PIGG: variants seen among roughly 807,000 people sequenced by gnomAD.
PIGG encodes the protein phosphatidylinositol glycan anchor biosynthesis class G (EMM blood group), also known as GPI ethanolamine phosphate transferase 2, catalytic subunit.
A neutral mutation model predicts 83.2 loss-of-function variants in PIGG; 70 were observed. That is an observed-to-expected ratio of 0.84 (90% CI 0.69 to 1.03). PIGG has a LOEUF of 1.03. Ranked by LOEUF, PIGG falls within the 50% of genes least tolerant of loss-of-function variation. The pLI, the probability that PIGG is intolerant of heterozygous loss-of-function variation, is 0.00. For synonymous variants in PIGG, 532 were observed against 519.5 expected (o/e 1.02, Z -0.33); for missense variants, 1,257 against 1,233.6 (o/e 1.02, Z -0.28).
intron 6 of PIGG, among the ~76,000 whole-genome samples, chr4:520,726 G>A (rs907910568): frequency 6.6e-6 from 1 of 152,250 alleles, no homozygotes; most frequent in Non-Finnish European, 1.5e-5. Flanking sequence ...GAAAGAGACA[G>A]AACAGGGAGA....
chr4:534,474 C>T (rs767571922), intron 12 of PIGG, among the ~76,000 whole-genome samples: 5 of 152,200 alleles, frequency 3.3e-5, no homozygotes, highest in Non-Finnish European at 2.9e-5. Context: ...CCTTGAGTAG[C>T]TAGGGGCATG....
Position 515,833 on chromosome 4 carries a change from A to G in PIGG, c.902-140A>G. On this transcript the variant is annotated intron_variant, in intron 5 of 12. Coordinates refer to ENST00000453061, the MANE Select transcript of PIGG (RefSeq NM_001127178.3). The surrounding 1 kb of genome is among the most constrained non-coding windows in gnomAD (Gnocchi z 4.2). ...ATCAACACAGCAAGCACAGGAGGTGATTCCTGTACGATTCTGTGTTGAGTG... is the reference window on the plus strand; with the variant it reads ...ATCAACACAGCAAGCACAGGAGGTGGTTCCTGTACGATTCTGTGTTGAGTG... 1.5e-6 allele frequency: 1 copy of G among 683,174 alleles called. No individual in the cohort carries two copies. The highest frequency in any genetic ancestry group is 2.6e-6 in the Non-Finnish European group (1 of 387,054). 42.3% of individuals were successfully genotyped at this position (683,174 alleles called of 1,614,324 possible). A position where few individuals can be genotyped will look rare whatever the true frequency, so the allele number is the denominator to read the frequency against.
chr4:516,087 T>C lies in PIGG; in HGVS notation c.1016T>C (p.Val339Ala). The C allele has an allele frequency of 1.2e-6, 2 of 1,613,864 alleles. No individual in the cohort carries two copies. The highest frequency in any genetic ancestry group is 1.3e-5 in the African/African-American group (1 of 75,004). The change falls in exon 6 of 13, where the codon GTG becomes GCG. Residue 339 changes from valine (V) to alanine (A), a missense_variant. Val to Ala is a moderately conservative substitution (Grantham distance 64). Coordinates refer to ENST00000453061, the MANE Select transcript of PIGG (RefSeq NM_001127178.3). Reference protein sequence around the residue: ...DSVGSLLFPVVEGRPMREQLR... With the variant: ...DSVGSLLFPVAEGRPMREQLR... Reference sequence around the variant, plus strand: ...GTAGGGAGCCTCCTATTCCCAGTTGTGGAAGGAAGACCAATGAGAGAGCAG... The same window carrying C: ...GTAGGGAGCCTCCTATTCCCAGTTGCGGAAGGAAGACCAATGAGAGAGCAG...
intron 2 of PIGG, 50 bp from the exon 3 acceptor site, chr4:505,668 T>G (rs1719413822): frequency 7.3e-7 from 1 of 1,362,614 alleles, no homozygotes; most frequent in African/African-American, 1.5e-5. Flanking sequence ...GCCCTTTTCA[T>G]GCTCCGGTTT....
chr4:526,188 A>G lies in PIGG; in HGVS notation c.2070-851A>G, dbSNP rs138861648. 2.0e-3 allele frequency among the ~76,000 whole-genome samples: 299 copies of G among 152,368 alleles called. 3 individuals carry two copies. The highest frequency in any genetic ancestry group is 6.9e-3 in the African/African-American group (286 of 41,586). ...GTTATAAATGTTCTATTTTATTATT[A>G]TAACAATCCTGAAGATTGTGTAAAA... On this transcript the variant is annotated intron_variant, in intron 9 of 12. Transcript: ENST00000453061.
intron 2 of PIGG, among the ~76,000 whole-genome samples, chr4:502,806 G>A (rs1553876603): frequency 6.6e-6 from 1 of 151,838 alleles, no homozygotes; most frequent in East Asian, 1.9e-4. Flanking sequence ...ACAAAAGAAG[G>A]GATGAAAACA....
At chr4:522,563 C>T (rs114904401) in intron 8 of PIGG, 148 of 168,048 alleles carry the variant, frequency 8.8e-4, no homozygotes, top group African/African-American at 3.3e-3. Context: ...ATCAAGGGAC[C>T]CACTGCAGTG....
chr4:505,709 T>C lies in PIGG; in HGVS notation c.361-9T>C. ...TCAGTGGCCTAATTCTTGCATTTTC[T>C]GACTGCAGGCATTGATGACGGGGAG... On this transcript the variant is annotated splice_polypyrimidine_tract_variant and intron_variant, in intron 2 of 12. Coordinates refer to ENST00000453061, the MANE Select transcript of PIGG (RefSeq NM_001127178.3). The C allele has an allele frequency of 1.2e-6, 2 of 1,609,598 alleles. No individual in the cohort carries two copies. Among genetic ancestry groups the C allele is most frequent in the Non-Finnish European group, 1.7e-6 (2 of 1,176,834 alleles).
Position 515,544 on chromosome 4 carries a change from T to A in PIGG, c.902-429T>A, listed in dbSNP as rs966358747. Among the ~76,000 whole-genome samples, 1 of 152,220 alleles carries A rather than the reference T, an allele frequency of 6.6e-6. No homozygotes were observed. Among genetic ancestry groups the A allele is most frequent in the African/African-American group, 2.4e-5 (1 of 41,456 alleles). The stretch of plus-strand genomic sequence containing the variant: ...TCTCCATGAGCAACAGCATGTGTGC[T>A]CGTAGAGGGCAGAGCATGGGATGCT... On this transcript the variant is annotated intron_variant, in intron 5 of 12. Transcript: ENST00000453061. This position sits in a 1 kb window ranked among gnomAD's most constrained non-coding sequence, Gnocchi z 4.2.
intron 12 of PIGG, among the ~76,000 whole-genome samples, 186 bp downstream of exon 12, chr4:534,167 T>C (rs1729788706): frequency 6.6e-6 from 1 of 152,140 alleles, no homozygotes; most frequent in Admixed American, 6.5e-5. Flanking sequence ...GAGGTGTCCG[T>C]GTAGGGCCAG....
intron 9 of PIGG, chr4:525,125 T>C (rs1727219900): frequency 1.1e-6 from 1 of 932,546 alleles, no homozygotes; most frequent in Non-Finnish European, 1.3e-6. Flanking sequence ...TTAGCAAAGC[T>C]CCTTTCTCCT....
rs550077721 is a variant in PIGG, at chr4:512,489, T to G, written c.902-3484T>G. 2.7e-3 allele frequency among the ~76,000 whole-genome samples: 405 copies of G among 152,140 alleles called. 3 individuals are homozygous for G. Among genetic ancestry groups the G allele is most frequent in the Admixed American group, 4.9e-3 (75 of 15,278 alleles). On this transcript the variant is annotated intron_variant, in intron 5 of 12. Coordinates refer to ENST00000453061, the MANE Select transcript of PIGG (RefSeq NM_001127178.3). ...CTCGGCCTCCCAACCATTATCATAT[T>G]TTTTTAACACCAGAGTTTCATTTGA...
chr4:527,121 CCT>C lies in PIGG; in HGVS notation c.2153_2154del (p.Pro718ArgfsTer40), dbSNP rs1318366060. ...VFVLVQRGCS[P>X]VSKAALALGL... ...TGTGCTGGTGCAGAGGGGGTGCTCC[CCT>C]GTGTCCAAGGCTGCCCTGGCGCTGG... On this transcript the variant is annotated frameshift_variant, in exon 10 of 13. Transcript: ENST00000453061. LOFTEE classifies it high-confidence loss of function. 5 of 1,614,198 alleles carry C rather than the reference CCT, an allele frequency of 3.1e-6. No homozygotes were observed. The highest frequency in any genetic ancestry group is 3.4e-6 in the Non-Finnish European group (4 of 1,180,034).
intron 6 of PIGG, among the ~76,000 whole-genome samples, chr4:518,775 C>A (rs1188930302): frequency 6.6e-6 from 1 of 152,064 alleles, no homozygotes; most frequent in African/African-American, 2.4e-5. Flanking sequence ...CTGGAACCCC[C>A]CCTGGCGGCC....
At chr4:511,521 C>T (rs1721959954) in intron 5 of PIGG, among the ~76,000 whole-genome samples, 1 of 152,234 alleles carries the variant, frequency 6.6e-6, no homozygotes, top group East Asian at 1.9e-4. Context: ...ATAGCTGTGC[C>T]CCCACCCGCC....
chr4:522,111 C>T, intron 8 of PIGG, 170 bp downstream of exon 8: 2 of 698,004 alleles, frequency 2.9e-6, no homozygotes, highest in Admixed American at 2.1e-5. Flanking sequence ...GCAGCCTTAT[C>T]CCAGGCCTCT....
rs35851965 is a variant in PIGG at position 521,839 on chromosome 4, G to T, written c.1512G>T (p.Ser504=). 3.1e-6 allele frequency: 5 copies of T among 1,614,204 alleles called. No homozygotes were observed. The highest frequency in any genetic ancestry group is 4.2e-6 in the Non-Finnish European group (5 of 1,180,020). The change falls in exon 8 of 13, where the codon TCG becomes TCT. Residue 504 remains serine (S), a synonymous_variant. Transcript: ENST00000453061. ...GTTCGTGCTACTTCTGTGGCCTCTC[G>T]TGGCTGGCGGCAGGTGGGGTGATGG... is the stretch of plus-strand genomic sequence containing the variant. The part of the protein sequence containing the change: ...AESSCYFCGL[S]WLAAGGVMVL...
chr4:528,620 G>A lies in PIGG; in HGVS notation c.2261+1390G>A, dbSNP rs1200019157. 2 of 985,228 alleles carry A rather than the reference G, an allele frequency of 2.0e-6. No homozygotes were observed. Among genetic ancestry groups the A allele is most frequent in the African/African-American group, 1.7e-5 (1 of 57,228 alleles). The allele number at this position is 985,228 out of a possible 1,614,324, so 61.0% of individuals were successfully genotyped here. A position where few individuals can be genotyped will look rare whatever the true frequency, so the allele number is the denominator to read the frequency against. On this transcript the variant is annotated intron_variant, in intron 10 of 12. Transcript: ENST00000453061. This position sits in a 1 kb window ranked among gnomAD's most constrained non-coding sequence, Gnocchi z 4.8. Reference sequence around the variant, plus strand: ...GTTCTGTGGAGATGTCTCAAAGGCTGTTGACTTTGGAATCTGAGACTTAGG... The same window carrying A: ...GTTCTGTGGAGATGTCTCAAAGGCTATTGACTTTGGAATCTGAGACTTAGG...
intron 5 of PIGG, among the ~76,000 whole-genome samples, chr4:514,044 G>C (rs1723077977): frequency 6.6e-6 from 1 of 152,112 alleles, no homozygotes; most frequent in African/African-American, 2.4e-5. Context: ...ATCAATCCAG[G>C]TCAAAGCATG....
Sources: gnomAD v4.1 joint callset for allele counts (sites outside exome capture counted in the v4.1 genomes callset) on GRCh38, gnomAD v4.1.1 for gene constraint, Gnocchi (gnomAD v3.1) non-coding constraint, MANE v1.5 for transcripts, NCBI Gene and HGNC (gene_info 2026-07-23, HGNC 2026-07-21) for gene names.